Variants in SCLT1 observed in about 807,000 individuals in gnomAD.
The protein encoded by SCLT1 is sodium channel-associated protein 1.
A neutral mutation model predicts 112.8 loss-of-function variants in SCLT1; 78 were observed. That is an observed-to-expected ratio of 0.69 (90% CI 0.58 to 0.83). The LOEUF (loss-of-function observed/expected upper bound fraction) is 0.83, where lower values mean the gene tolerates loss of function less well. SCLT1 is among the 40% of genes least tolerant of loss of function. The pLI is 0.00. For synonymous variants in SCLT1, 257 were observed against 254.7 expected (o/e 1.01, Z -0.09); for missense variants, 747 against 770.4 (o/e 0.97, Z 0.36).
chr4:128,969,755 G>C (rs1740524651), intron 10 of SCLT1, among the ~76,000 whole-genome samples: 2 of 152,084 alleles, frequency 1.3e-5, no homozygotes, highest in African/African-American at 4.8e-5. Flanking sequence ...TTTCTGTTTT[G>C]GGTGCTTTCT....
chr4:128,906,902 A>G (rs1362048699), intron 18 of SCLT1, among the ~76,000 whole-genome samples: 1 of 152,206 alleles, frequency 6.6e-6, no homozygotes. Context: ...TAAAAACTTC[A>G]TGGTGCTATG....
At chr4:128,980,682 G>A (rs1158880475) in intron 9 of SCLT1, among the ~76,000 whole-genome samples, 3 of 152,134 alleles carry the variant, frequency 2.0e-5, no homozygotes, top group African/African-American at 7.2e-5. Context: ...AATAAAAACA[G>A]ATTTAAAAGT....
intron 2 of SCLT1, among the ~76,000 whole-genome samples, chr4:129,062,857 T>C (rs772947474): frequency 3.9e-5 from 6 of 152,236 alleles, no homozygotes; most frequent in Non-Finnish European, 8.8e-5. Flanking sequence ...ATAATGTGCC[T>C]GAGTAAAGTC....
chr4:128,940,215 A>C (rs1170937491), intron 17 of SCLT1, among the ~76,000 whole-genome samples: 2 of 152,084 alleles, frequency 1.3e-5, no homozygotes, highest in Non-Finnish European at 2.9e-5. Context: ...AATTATGGAA[A>C]ATAACAAAGC....
chr4:128,984,244 T>C (rs1310320876), intron 9 of SCLT1, among the ~76,000 whole-genome samples: 1 of 152,184 alleles, frequency 6.6e-6, no homozygotes, highest in East Asian at 1.9e-4. Context: ...AAAATCAAAG[T>C]ATCTACTCAT....
chr4:128,957,752 C>G (rs1194511329), intron 12 of SCLT1, among the ~76,000 whole-genome samples: 1 of 152,106 alleles, frequency 6.6e-6, no homozygotes, highest in African/African-American at 2.4e-5. Context: ...AGGCTTTCAC[C>G]ACCATGATCT....
intron 5 of SCLT1, among the ~76,000 whole-genome samples, chr4:129,023,893 AC>A: frequency 6.6e-6 from 1 of 152,310 alleles, no homozygotes; most frequent in East Asian, 1.9e-4. Flanking sequence ...TATATCCCGC[AC>A]CTGGCTTGGA....
In SCLT1 at chr4:128,952,833, T is replaced by C. The variant is rs754823096; in HGVS notation, c.1154A>G (p.Asn385Ser). 3.3e-6 allele frequency: 5 copies of C among 1,529,640 alleles called. No individual in the cohort carries two copies. Among genetic ancestry groups the C allele is most frequent in the Admixed American group, 3.3e-5 (2 of 59,814 alleles). The allele number at this position is 1,529,640 out of a possible 1,614,324, so 94.8% of individuals were successfully genotyped here. A position where few individuals can be genotyped will look rare whatever the true frequency, so the allele number is the denominator to read the frequency against. The change falls in exon 14 of 21, where the codon AAC becomes AGC. Residue 385 changes from asparagine to serine, a missense_variant. Coordinates refer to ENST00000281142, the MANE Select transcript of SCLT1 (RefSeq NM_144643.4). ...ATIRTKKEVA[N>S]TKKQCNIQIS... ...TTGTATATTACATTGTTTTTTGGTG[T>C]TTGCAACCTGTAAATTAAGACATTT...
intron 5 of SCLT1, among the ~76,000 whole-genome samples, chr4:129,030,828 A>C (rs917412083): frequency 1.3e-5 from 2 of 152,128 alleles, no homozygotes; most frequent in Non-Finnish European, 2.9e-5. Context: ...TAGCCTACCA[A>C]CTCAAACAAG....
At chr4:128,890,965 T>A in intron 19 of SCLT1, 94 bp downstream of exon 19, 3 of 793,494 alleles carry the variant, frequency 3.8e-6, no homozygotes, top group Non-Finnish European at 6.4e-6. Flanking sequence ...TATTTCCAAG[T>A]AGAGAAATAA....
In SCLT1 at chr4:128,999,697, T is replaced by C. The variant is rs780031158; in HGVS notation, c.524A>G (p.His175Arg). The C allele has an allele frequency of 1.4e-5, 23 of 1,602,440 alleles. No homozygotes were observed. In the Admixed American group the frequency reaches 3.9e-4, roughly 27 times the overall value. The change falls in exon 7 of 21, where the codon CAT (histidine) becomes CGT (arginine). Residue 175 changes from histidine to arginine, a missense_variant. Transcript: ENST00000281142. ...CTTTTGTTTTTGACTTTCAAATACA[T>C]GAATCTGGGCCTCAGTCATATGTTC... ...YQEHMTEAQI[H>R]VFESQKQKDQ...
At chr4:129,022,933 C>G (rs1399887658) in intron 5 of SCLT1, among the ~76,000 whole-genome samples, 1 of 152,190 alleles carries the variant, frequency 6.6e-6, no homozygotes, top group Admixed American at 6.5e-5. Flanking sequence ...ACTCATTAGA[C>G]TAACAGCAGA....
chr4:128,888,665 A>T lies in SCLT1; in HGVS notation c.2004+14T>A. On this transcript the variant is annotated intron_variant, in intron 20 of 20. Coordinates refer to ENST00000281142, the MANE Select transcript of SCLT1 (RefSeq NM_144643.4). Reference sequence around the variant, plus strand: ...GAACTGTTTATTATCTAGGGATAAGAGGATGCTCCCTACCTGCTGGGAAGC... The same window carrying T: ...GAACTGTTTATTATCTAGGGATAAGTGGATGCTCCCTACCTGCTGGGAAGC... 6.6e-7 allele frequency: 1 copy of T among 1,509,844 alleles called. No homozygotes were observed. The highest frequency in any genetic ancestry group is 9.2e-7 in the Non-Finnish European group (1 of 1,088,820). The allele number at this position is 1,509,844 out of a possible 1,614,324, so 93.5% of individuals were successfully genotyped here.
chr4:128,928,764 A>G (rs1365565547), intron 18 of SCLT1, among the ~76,000 whole-genome samples: 2 of 151,950 alleles, frequency 1.3e-5, no homozygotes, highest in Non-Finnish European at 2.9e-5. Context: ...CCCAGGTGGC[A>G]GAGGTTGCAG....
At chr4:128,881,817 A>G (rs896389547), downstream of SCLT1, among the ~76,000 whole-genome samples, 4 of 152,210 alleles carry the variant, frequency 2.6e-5, no homozygotes, top group African/African-American at 9.6e-5. Flanking sequence ...AACTTTTCTG[A>G]AAAGAAAAAA....
At chr4:129,007,069 A>G (rs974011032) in intron 5 of SCLT1, among the ~76,000 whole-genome samples, 2 of 152,128 alleles carry the variant, frequency 1.3e-5, no homozygotes, top group Non-Finnish European at 2.9e-5. Context: ...TTACCTTTTT[A>G]TTATTGATTT....
intron 5 of SCLT1, among the ~76,000 whole-genome samples, chr4:129,022,416 T>C (rs1745571637): frequency 6.6e-6 from 1 of 152,230 alleles, no homozygotes. Context: ...TTACAGGAAC[T>C]GCTAACTAGA....
At chr4:128,922,205 G>C (rs1735938419) in intron 18 of SCLT1, among the ~76,000 whole-genome samples, 1 of 152,146 alleles carries the variant, frequency 6.6e-6, no homozygotes, top group African/African-American at 2.4e-5. Context: ...GGTGAAAATG[G>C]AAACTAGTTC....
chr4:129,029,671 A>T (rs935241811), intron 5 of SCLT1, among the ~76,000 whole-genome samples: 1 of 151,946 alleles, frequency 6.6e-6, no homozygotes. Context: ...AAAACTTAAA[A>T]GTATAATAAT....
Sources: gnomAD v4.1 joint callset for allele counts (sites outside exome capture counted in the v4.1 genomes callset) on GRCh38, gnomAD v4.1.1 for gene constraint, MANE v1.5 for transcripts, NCBI Gene and HGNC (gene_info 2026-07-23, HGNC 2026-07-21) for gene names.